The following LRRC7 variants were observed in gnomAD, a reference collection of about 807,000 sequenced individuals.
LRRC7 encodes the protein leucine rich repeat containing 7.
In LRRC7, 23 loss-of-function variants were observed where a neutral mutation model predicts 175.7. The ratio of observed to expected loss-of-function variants is 0.13; its 90% CI spans 0.09 to 0.19. The LOEUF is 0.19. Among genes scored for constraint, LRRC7 ranks in the 10% least tolerant of loss-of-function variants. The pLI is 1.00. For missense variants in LRRC7, 1,354 were observed against 1,904.7 expected, an observed-to-expected ratio of 0.71 and a Z score of 5.38; for synonymous variants, 685 against 680.9, an observed-to-expected ratio of 1.01 and a Z score of -0.09.
chr1:69,628,157 A>T (rs929631526), intron 1 of LRRC7, among the ~76,000 whole-genome samples: 2 of 152,152 alleles, frequency 1.3e-5, no homozygotes, highest in African/African-American at 4.8e-5. Flanking sequence ...AAAAGAAGGA[A>T]ATAAAAGGTA....
At chr1:70,100,421 T>C (rs1664727110) in intron 25 of LRRC7, among the ~76,000 whole-genome samples, 2 of 152,140 alleles carry the variant, frequency 1.3e-5, no homozygotes, top group South Asian at 4.1e-4. Context: ...AAACAATGTG[T>C]ATTTATTTTG....
intron 26 of LRRC7, among the ~76,000 whole-genome samples, chr1:70,116,283 C>A (rs55992448): frequency 3.5e-4 from 54 of 152,198 alleles, no homozygotes; most frequent in African/African-American, 1.3e-3. Context: ...CGCGGTGGCT[C>A]ACGCCTGTAA....
At chr1:69,848,321 C>T (rs17131047) in intron 7 of LRRC7, among the ~76,000 whole-genome samples, 14,892 of 152,064 alleles carry the variant, frequency 0.098, 1,723 homozygotes, top group African/African-American at 0.28. Context: ...TGTGCTTTCC[C>T]TACCCAACTG....
rs146984795 is a variant in LRRC7 at position 69,950,683 on chromosome 1, G to A, written c.711+19113G>A. 7.8e-3 allele frequency among the ~76,000 whole-genome samples: 1,176 copies of A among 151,632 alleles called. 12 individuals are homozygous for A. Among genetic ancestry groups the A allele is most frequent in the African/African-American group, 0.026 (1,072 of 41,376 alleles). ...TGCTAAAATTTTAATAGAAACAGAC[G>A]GAAACCAATGATAATTGAAAATTAT... On this transcript the variant is annotated intron_variant, in intron 8 of 26. Transcript: ENST00000651989.
intron 2 of LRRC7, among the ~76,000 whole-genome samples, chr1:69,723,317 T>C (rs528842444): frequency 2.0e-5 from 3 of 152,258 alleles, no homozygotes; most frequent in Admixed American, 2.0e-4. Flanking sequence ...CCTGAAAAAG[T>C]CATTTCCTAG....
intron 9 of LRRC7, among the ~76,000 whole-genome samples, chr1:69,980,654 A>G (rs1653332023): frequency 1.3e-5 from 2 of 152,088 alleles, no homozygotes; most frequent in African/African-American, 4.8e-5. Flanking sequence ...TAGGTATACA[A>G]AACGTAAGAA....
At chr1:69,890,661 G>A (rs768541889) in intron 7 of LRRC7, among the ~76,000 whole-genome samples, 7 of 152,130 alleles carry the variant, frequency 4.6e-5, no homozygotes, top group Non-Finnish European at 1.0e-4. Context: ...GTCCCAGATG[G>A]CATTTTCTTC....
intron 23 of LRRC7, among the ~76,000 whole-genome samples, chr1:70,061,826 A>G (rs1385628719): frequency 6.6e-6 from 1 of 152,166 alleles, no homozygotes; most frequent in Non-Finnish European, 1.5e-5. Context: ...TCTACTAGAA[A>G]TAACCTAGAA....
chr1:69,692,997 C>T (rs527555253), intron 2 of LRRC7, among the ~76,000 whole-genome samples: 93 of 152,274 alleles, frequency 6.1e-4, no homozygotes, highest in African/African-American at 2.2e-3. Context: ...CATCCATCTT[C>T]TCCTGCCTTT....
intron 2 of LRRC7, among the ~76,000 whole-genome samples, chr1:69,754,475 C>T (rs1013645930): frequency 6.6e-6 from 1 of 151,938 alleles, no homozygotes; most frequent in Non-Finnish European, 1.5e-5. Flanking sequence ...GAAACTAGGT[C>T]AGTGGTACTG....
At chr1:69,676,015 A>G (rs1659718877) in intron 1 of LRRC7, among the ~76,000 whole-genome samples, 1 of 143,866 alleles carries the variant, frequency 7.0e-6, no homozygotes, top group Non-Finnish European at 1.5e-5. Context: ...ATGCACACAC[A>G]CACACACACA....
In LRRC7 at chr1:69,778,793, C is replaced by T. The variant is rs185019848; in HGVS notation, c.304-13250C>T. Among the ~76,000 whole-genome samples, 125 of 152,058 alleles carry T rather than the reference C, an allele frequency of 8.2e-4. 1 individual carries two copies. The highest frequency in any genetic ancestry group is 1.2e-3 in the East Asian group (6 of 5,172). ...AGCCATCTTCTCTCTGGCTCACTGA[C>T]CTTGGCAGAGCTAGTCAGCAAAGTT... is the stretch of plus-strand genomic sequence containing the variant. On this transcript the variant is annotated intron_variant, in intron 3 of 26. Coordinates refer to ENST00000651989, the MANE Select transcript of LRRC7 (RefSeq NM_001370785.2).
intron 2 of LRRC7, among the ~76,000 whole-genome samples, chr1:69,726,710 A>T (rs1313424183): frequency 6.6e-6 from 1 of 152,076 alleles, no homozygotes; most frequent in Non-Finnish European, 1.5e-5. Flanking sequence ...AGAGAGCAAA[A>T]CTTGCCTTTA....
Position 69,589,115 on chromosome 1 carries a change from G to GGTGT in LRRC7, c.2+20509_2+20512dup, listed in dbSNP as rs55678803. On this transcript the variant is annotated intron_variant, in intron 1 of 26. Transcript: ENST00000651989. ...TTTTGTGTTACCACTTCATAAAAAG[G>GGTGT]GTGTGTGTGTGTGTGTGTGTGTGTG... 2.3e-3 allele frequency among the ~76,000 whole-genome samples: 322 copies of GGTGT among 142,436 alleles called. 5 individuals are homozygous for GGTGT. The highest frequency in any genetic ancestry group is 0.019 in the East Asian group (90 of 4,816). The allele number at this position is 142,436 out of a possible 152,430, so 93.4% of individuals were successfully genotyped here. A position where few individuals can be genotyped will look rare whatever the true frequency, so the allele number is the denominator to read the frequency against.
intron 26 of LRRC7, among the ~76,000 whole-genome samples, chr1:70,119,677 C>G (rs139358910): frequency 7.6e-6 from 1 of 132,186 alleles, no homozygotes; most frequent in Non-Finnish European, 1.6e-5. Context: ...AACATTGATA[C>G]GATGTCAAGT....
Position 69,853,575 on chromosome 1 carries a change from C to A in LRRC7, c.647+15292C>A, listed in dbSNP as rs549619293. On this transcript the variant is annotated intron_variant, in intron 7 of 26. Coordinates refer to ENST00000651989, the MANE Select transcript of LRRC7 (RefSeq NM_001370785.2). Reference sequence around the variant, plus strand: ...TACAGGTGTGAGCCACCGCACCCTGCCCATTTGTTCCTCTTAAATAATTTT... The same window carrying A: ...TACAGGTGTGAGCCACCGCACCCTGACCATTTGTTCCTCTTAAATAATTTT... Among the ~76,000 whole-genome samples the A allele has an allele frequency of 1.3e-4, 20 of 152,158 alleles. No homozygotes were observed. In the South Asian group the frequency reaches 3.9e-3, roughly 30 times the overall value.
At chr1:70,044,294 T>G (rs1660160840) in intron 22 of LRRC7, among the ~76,000 whole-genome samples, 200 bp downstream of exon 22, 1 of 152,246 alleles carries the variant, frequency 6.6e-6, no homozygotes. Context: ...ATCAGGTTCC[T>G]GCTTTTTGGA....
intron 2 of LRRC7, among the ~76,000 whole-genome samples, chr1:69,678,945 A>G (rs1477322708): frequency 6.6e-6 from 1 of 152,104 alleles, no homozygotes; most frequent in African/African-American, 2.4e-5. Context: ...CTGCCGGTAA[A>G]TGTAAACCTG....
chr1:69,891,351 A>G (rs1272382596), intron 7 of LRRC7, among the ~76,000 whole-genome samples: 1 of 152,226 alleles, frequency 6.6e-6, no homozygotes, highest in Non-Finnish European at 1.5e-5. Flanking sequence ...CAGAATATAC[A>G]CAGCATTTAT....
Sources: allele counts gnomAD v4.1 joint callset (sites outside exome capture counted in the v4.1 genomes callset), GRCh38; gene constraint gnomAD v4.1.1; transcripts MANE v1.5; gene names NCBI Gene and HGNC (gene_info 2026-07-23, HGNC 2026-07-21).